RABGAP1L: variants seen among roughly 807,000 people sequenced by gnomAD.
RABGAP1L encodes the protein rab GTPase-activating protein 1-like.
A neutral mutation model predicts 137.7 loss-of-function variants in RABGAP1L; 63 were observed. The observed-to-expected ratio is 0.46, with a 90% CI of 0.37 to 0.56. The LOEUF (loss-of-function observed/expected upper bound fraction) is 0.56, where lower values mean the gene tolerates loss of function less well. RABGAP1L is among the 20% of genes least tolerant of loss of function. RABGAP1L has a pLI of 0.00. For synonymous variants in RABGAP1L, 431 were observed against 433.7 expected (o/e 0.99, Z 0.08); for missense variants, 1,095 against 1,244.0 (o/e 0.88, Z 1.80).
intron 13 of RABGAP1L, among the ~76,000 whole-genome samples, chr1:174,610,633 G>A (rs1671149318): frequency 6.6e-6 from 1 of 152,128 alleles, no homozygotes; most frequent in Non-Finnish European, 1.5e-5. Context: ...TCGCCACACT[G>A]ACTTCCACAA....
chr1:174,267,071 T>C (rs1674134288), intron 7 of RABGAP1L, among the ~76,000 whole-genome samples: 1 of 152,226 alleles, frequency 6.6e-6, no homozygotes, highest in Non-Finnish European at 1.5e-5. Context: ...AACTGGAGCA[T>C]ATACTTCTGC....
Position 174,599,129 on chromosome 1 carries a change from G to C in RABGAP1L, c.1711-38246G>C, listed in dbSNP as rs1670224014. Among the ~76,000 whole-genome samples, 3 of 152,170 alleles carry C rather than the reference G, an allele frequency of 2.0e-5. 1 individual carries two copies. In the South Asian group the frequency reaches 6.2e-4, roughly 32 times the overall value. On this transcript the variant is annotated intron_variant, in intron 13 of 25. Coordinates refer to ENST00000681986, the MANE Select transcript of RABGAP1L (RefSeq NM_001366446.1). ...GTAGGTATTTCAGGGTTACCACAAGGCTTGCAAATAACATTTTGTAACCAA... is the reference window on the plus strand; with the variant it reads ...GTAGGTATTTCAGGGTTACCACAAGCCTTGCAAATAACATTTTGTAACCAA...
intron 19 of RABGAP1L, among the ~76,000 whole-genome samples, chr1:174,953,724 G>A (rs1038721641): frequency 2.0e-5 from 3 of 152,194 alleles, no homozygotes; most frequent in African/African-American, 7.2e-5. Flanking sequence ...TGTGGAATAC[G>A]ATGAAACGTA....
chr1:174,548,280 A>C, intron 13 of RABGAP1L: 2 of 1,331,178 alleles, frequency 1.5e-6, no homozygotes, highest in Non-Finnish European at 1.9e-6. Flanking sequence ...GCTATATAAC[A>C]TTAGTTAAGT....
Position 174,493,665 on chromosome 1 carries a change from C to T in RABGAP1L, c.1710+99520C>T, listed in dbSNP as rs562732037. ...CAAAACTTTGTCTCTACTGAAAATA[C>T]GAAAAATCAGCCTGGCATGGTGGTG... On this transcript the variant is annotated intron_variant, in intron 13 of 25. Transcript: ENST00000681986. Among the ~76,000 whole-genome samples, 11 of 151,258 alleles carry T rather than the reference C, an allele frequency of 7.3e-5. 1 individual carries two copies. Among genetic ancestry groups the T allele is most frequent in the South Asian group, 2.1e-4 (1 of 4,764 alleles).
At chr1:174,749,021 A>G (rs1684117235) in intron 17 of RABGAP1L, among the ~76,000 whole-genome samples, 1 of 151,908 alleles carries the variant, frequency 6.6e-6, no homozygotes, top group Non-Finnish European at 1.5e-5. Flanking sequence ...TACTAAAAAT[A>G]CAAAAGTTAG....
At chr1:174,940,885 A>G (rs1261636045) in intron 19 of RABGAP1L, among the ~76,000 whole-genome samples, 1 of 152,234 alleles carries the variant, frequency 6.6e-6, no homozygotes, top group Non-Finnish European at 1.5e-5. Flanking sequence ...TTCAGAAAAT[A>G]TGGTCACTGA....
intron 13 of RABGAP1L, among the ~76,000 whole-genome samples, chr1:174,563,997 GT>G (rs1200242574): frequency 6.6e-6 from 1 of 152,116 alleles, no homozygotes; most frequent in African/African-American, 2.4e-5. Context: ...CCCTGGGATG[GT>G]TACTCCAGCT....
intron 21 of RABGAP1L, among the ~76,000 whole-genome samples, chr1:174,974,589 T>C (rs549266952): frequency 6.6e-6 from 1 of 152,206 alleles, no homozygotes; most frequent in Non-Finnish European, 1.5e-5. Context: ...GCTGTTAGAT[T>C]TTCCCCCCTA....
At chr1:174,231,018 G>T (rs990218883) in intron 3 of RABGAP1L, 127 bp from the exon 4 acceptor site, 2 of 633,142 alleles carry the variant, frequency 3.2e-6, no homozygotes, top group Non-Finnish European at 5.3e-6. Flanking sequence ...AAATATAAAA[G>T]GAGTGAAAAT....
At chr1:174,374,006 A>AT (rs1685314293) in intron 12 of RABGAP1L, among the ~76,000 whole-genome samples, 1 of 152,168 alleles carries the variant, frequency 6.6e-6, no homozygotes, top group African/African-American at 2.4e-5. Flanking sequence ...ATAGAGATTT[A>AT]TTTATTAGGA....
chr1:174,609,160 A>G (rs1298800746), intron 13 of RABGAP1L, among the ~76,000 whole-genome samples: 3 of 152,128 alleles, frequency 2.0e-5, no homozygotes, highest in Non-Finnish European at 4.4e-5. Flanking sequence ...AAAATGAAAG[A>G]GTTTTTATTT....
intron 13 of RABGAP1L, among the ~76,000 whole-genome samples, chr1:174,558,181 A>C (rs760223064): frequency 6.6e-6 from 1 of 152,216 alleles, no homozygotes; most frequent in Non-Finnish European, 1.5e-5. Flanking sequence ...AGGCACGGAT[A>C]TATCTCAATT....
chr1:174,387,722 G>A (rs1686911416), intron 12 of RABGAP1L, among the ~76,000 whole-genome samples: 1 of 151,970 alleles, frequency 6.6e-6, no homozygotes, highest in Non-Finnish European at 1.5e-5. Context: ...GGGTTGCTCA[G>A]CTGAAATTCA....
At chr1:174,210,522 C>T (rs1668808662) in intron 1 of RABGAP1L, among the ~76,000 whole-genome samples, 1 of 151,988 alleles carries the variant, frequency 6.6e-6, no homozygotes, top group South Asian at 2.1e-4. Context: ...TGAAGATAGG[C>T]CATTTGAAAA....
chr1:174,447,753 T>C (rs1423778025), intron 13 of RABGAP1L, among the ~76,000 whole-genome samples: 1 of 152,052 alleles, frequency 6.6e-6, no homozygotes, highest in East Asian at 1.9e-4. Context: ...TTTTTCATAG[T>C]GCAAGATAAT....
chr1:174,812,840 A>T (rs1055753364), intron 19 of RABGAP1L, among the ~76,000 whole-genome samples: 5 of 152,146 alleles, frequency 3.3e-5, no homozygotes, highest in Admixed American at 3.3e-4. Context: ...TCAATGAAGG[A>T]GATGAGAGAT....
intron 13 of RABGAP1L, among the ~76,000 whole-genome samples, chr1:174,634,891 G>C (rs866315361): frequency 8.4e-6 from 1 of 119,030 alleles, no homozygotes; most frequent in Non-Finnish European, 1.7e-5. Flanking sequence ...GGTGGGGTGG[G>C]GGGAGGGGGG....
At chr1:174,531,754 G>A (rs6689589) in intron 13 of RABGAP1L, among the ~76,000 whole-genome samples, 2 of 128,520 alleles carry the variant, frequency 1.6e-5, no homozygotes, top group East Asian at 3.1e-4. Context: ...GGGGGTGGGG[G>A]GGGGGAAGAT....
Sources: gnomAD v4.1 joint callset for allele counts (sites outside exome capture counted in the v4.1 genomes callset) on GRCh38, gnomAD v4.1.1 for gene constraint, MANE v1.5 for transcripts, NCBI Gene and HGNC (gene_info 2026-07-23, HGNC 2026-07-21) for gene names.